AGFG1: variants seen among roughly 807,000 people sequenced by gnomAD.
AGFG1 encodes the protein arf-GAP domain and FG repeat-containing protein 1.
In AGFG1, 10 loss-of-function variants were observed where a neutral mutation model predicts 60.6. The ratio of observed to expected loss-of-function variants is 0.16; its 90% CI spans 0.10 to 0.28. The LOEUF (loss-of-function observed/expected upper bound fraction) is 0.28. Ranked by LOEUF, AGFG1 falls within the 10% of genes least tolerant of loss-of-function variation. The probability of loss-of-function intolerance (pLI) is 1.00; values close to 1 mark genes in which losing one functional copy is unlikely to be tolerated. For missense variants in AGFG1, 537 were observed against 676.5 expected, an observed-to-expected ratio of 0.79 and a Z score of 2.29; for synonymous variants, 247 against 242.9, an observed-to-expected ratio of 1.02 and a Z score of -0.16.
intron 1 of AGFG1, among the ~76,000 whole-genome samples, chr2:227,475,297 G>A (rs1453148113): frequency 6.6e-6 from 1 of 152,204 alleles, no homozygotes; most frequent in African/African-American, 2.4e-5. Flanking sequence ...AATACTTTCA[G>A]AAGTTCTGCA....
chr2:227,493,715 A>T (rs1406621432), intron 2 of AGFG1, among the ~76,000 whole-genome samples: 5 of 152,212 alleles, frequency 3.3e-5, no homozygotes, highest in African/African-American at 9.6e-5. Flanking sequence ...GGTATTAGGG[A>T]TGTGGTTATA....
chr2:227,531,963 C>T (rs1228106321), intron 6 of AGFG1, among the ~76,000 whole-genome samples: 1 of 152,164 alleles, frequency 6.6e-6, no homozygotes, highest in African/African-American at 2.4e-5. Context: ...ACATTGAATA[C>T]TCTTTCCATA....
intron 5 of AGFG1, among the ~76,000 whole-genome samples, chr2:227,529,881 A>AT (rs533961886): frequency 1.3e-3 from 190 of 146,110 alleles, no homozygotes; most frequent in South Asian, 3.3e-3. Context: ...AGATATATTG[A>AT]TTTTTTTTTT....
intron 3 of AGFG1, among the ~76,000 whole-genome samples, chr2:227,522,342 G>A (rs927576602): frequency 1.3e-5 from 2 of 152,252 alleles, no homozygotes; most frequent in African/African-American, 2.4e-5. Context: ...GATAAGACTT[G>A]GCTATACTGA....
At chr2:227,481,836 G>T (rs1408602003) in intron 1 of AGFG1, among the ~76,000 whole-genome samples, 7 of 148,398 alleles carry the variant, frequency 4.7e-5, no homozygotes, top group African/African-American at 1.7e-4. Flanking sequence ...GTTTGGGCAT[G>T]TGAAGAGATT....
rs556347304 is a variant in AGFG1, at chr2:227,473,565, A to G, written c.167+977A>G. 1.1e-4 allele frequency among the ~76,000 whole-genome samples: 17 copies of G among 152,276 alleles called. 1 individual carries two copies. In the South Asian group the frequency reaches 2.3e-3, roughly 20 times the overall value. On this transcript the variant is annotated intron_variant, in intron 1 of 12. Transcript: ENST00000310078. Reference sequence around the variant, plus strand: ...CTTTGCTTCATTAAGCTTTATTTTGATAAAGATTTTTATTGCCGTGCAATT... The same window carrying G: ...CTTTGCTTCATTAAGCTTTATTTTGGTAAAGATTTTTATTGCCGTGCAATT...
intron 12 of AGFG1, among the ~76,000 whole-genome samples, chr2:227,554,210 T>C (rs1425907157): frequency 6.6e-6 from 1 of 152,188 alleles, no homozygotes; most frequent in Non-Finnish European, 1.5e-5. Flanking sequence ...TAGAATCTAT[T>C]ACAAGAACTG....
rs1164922404 is a variant in AGFG1, at chr2:227,555,424, G to C, written c.*929G>C. 1 of 152,426 alleles carries C rather than the reference G, an allele frequency of 6.6e-6. No homozygotes were observed. The highest frequency in any genetic ancestry group is 1.9e-4 in the East Asian group (1 of 5,198). The allele number at this position is 152,426 out of a possible 1,614,324, so 9.4% of individuals were successfully genotyped here. A position where few individuals can be genotyped will look rare whatever the true frequency, so the allele number is the denominator to read the frequency against. ...TATGTGTATTTACAAATTTTTCTAAGTATCTTGAATTCTCAGACTGCAAAA... is the reference window on the plus strand; with the variant it reads ...TATGTGTATTTACAAATTTTTCTAACTATCTTGAATTCTCAGACTGCAAAA... On this transcript the variant is annotated 3_prime_UTR_variant, in exon 13 of 13. Transcript: ENST00000310078.
intron 2 of AGFG1, among the ~76,000 whole-genome samples, chr2:227,499,111 C>G (rs1029782462): frequency 6.6e-6 from 1 of 152,172 alleles, no homozygotes; most frequent in African/African-American, 2.4e-5. Context: ...ACTCAACTCT[C>G]ATGTTATCTG....
rs572602426 is a variant in AGFG1 at position 227,534,927 on chromosome 2, A to G, written c.1107A>G (p.Ala369=). The G allele has an allele frequency of 3.2e-5, 51 of 1,613,772 alleles. No individual in the cohort carries two copies. The South Asian group carries it at 4.9e-4, about 16-fold the overall frequency. ...TTTCAGTTCCCAGTCAGTCAAGTGC[A>G]TCTTCAGACAAGTATGCAGCTCTGG... ...SVVSVPSQSS[A]SSDKYAALAE... The change falls in exon 8 of 13, where the codon GCA becomes GCG. Residue 369 remains alanine (A), a synonymous_variant. Coordinates refer to ENST00000310078, the MANE Select transcript of AGFG1 (RefSeq NM_004504.5).
In AGFG1 at chr2:227,480,697, A is replaced by G. The variant is rs141419656; in HGVS notation, c.167+8109A>G. On this transcript the variant is annotated intron_variant, in intron 1 of 12. Coordinates refer to ENST00000310078, the MANE Select transcript of AGFG1 (RefSeq NM_004504.5). Reference sequence around the variant, plus strand: ...GCTCTCATACCAGAACTTTTCTTCTATCTTCATTCTGGAAATTCCCTTCAC... The same window carrying G: ...GCTCTCATACCAGAACTTTTCTTCTGTCTTCATTCTGGAAATTCCCTTCAC... Among the ~76,000 whole-genome samples, 1,106 of 151,566 alleles carry G rather than the reference A, an allele frequency of 7.3e-3. 6 individuals are homozygous for G. The highest frequency in any genetic ancestry group is 0.012 in the South Asian group (57 of 4,812).
intron 4 of AGFG1, 111 bp downstream of exon 4, chr2:227,524,036 T>C: frequency 9.3e-7 from 1 of 1,078,368 alleles, no homozygotes; most frequent in Admixed American, 2.2e-5. Flanking sequence ...AGTAGCATTA[T>C]GTTCCAATGG....
intron 1 of AGFG1, among the ~76,000 whole-genome samples, chr2:227,484,683 T>TTTTTG (rs1158009950): frequency 1.4e-3 from 15 of 10,848 alleles, no homozygotes; most frequent in African/African-American, 4.0e-3. Context: ...CTTAGTTTTT[T>TTTTTG]TTTTGTTTTT....
At chr2:227,489,799 T>C (rs1334929111) in intron 1 of AGFG1, among the ~76,000 whole-genome samples, 1 of 151,886 alleles carries the variant, frequency 6.6e-6, no homozygotes, top group Non-Finnish European at 1.5e-5. Flanking sequence ...TTCTCCTTTG[T>C]GTTTTGACAA....
chr2:227,536,555 C>A, intron 8 of AGFG1, 70 bp from the exon 9 acceptor site: 1 of 1,306,934 alleles, frequency 7.7e-7, no homozygotes, highest in Non-Finnish European at 1.1e-6. Flanking sequence ...TATTTTATGG[C>A]TACCCTGTAA....
At chr2:227,545,462 C>T (rs1276682044) in intron 10 of AGFG1, among the ~76,000 whole-genome samples, 1 of 152,204 alleles carries the variant, frequency 6.6e-6, no homozygotes, top group Non-Finnish European at 1.5e-5. Flanking sequence ...CTACTTCTGT[C>T]AGTTCGTCTA....
intron 2 of AGFG1, among the ~76,000 whole-genome samples, chr2:227,492,929 G>A (rs1690862321): frequency 6.6e-6 from 1 of 152,066 alleles, no homozygotes; most frequent in African/African-American, 2.4e-5. Flanking sequence ...CACACTTGAA[G>A]TTACTTTCTT....
chr2:227,472,421 C>T lies in AGFG1; in HGVS notation c.-1C>T, dbSNP rs1690119836. The stretch of plus-strand genomic sequence containing the variant: ...CGGCCTCCTCCCTTGGCGCCGCGGC[C>T]ATGGCGGCCAGCGCGAAGCGGAAGC... On this transcript the variant is annotated 5_prime_UTR_variant, in exon 1 of 13. Coordinates refer to ENST00000310078, the MANE Select transcript of AGFG1 (RefSeq NM_004504.5). 4.0e-6 allele frequency: 6 copies of T among 1,499,064 alleles called. No homozygotes were observed. The highest frequency in any genetic ancestry group is 5.4e-6 in the Non-Finnish European group (6 of 1,121,080). 92.9% of individuals were successfully genotyped at this position (1,499,064 alleles called of 1,614,324 possible).
intron 2 of AGFG1, among the ~76,000 whole-genome samples, chr2:227,514,145 C>T (rs10189795): frequency 0.49 from 74,566 of 152,048 alleles, 19,393 homozygotes; most frequent in East Asian, 0.66. Flanking sequence ...TTGCTTATTT[C>T]ATCACTCCAT....
Sources: allele counts gnomAD v4.1 joint callset (sites outside exome capture counted in the v4.1 genomes callset), GRCh38; gene constraint gnomAD v4.1.1; transcripts MANE v1.5; gene names NCBI Gene and HGNC (gene_info 2026-07-23, HGNC 2026-07-21).